DCDC1: variants seen among roughly 807,000 people sequenced by gnomAD.
DCDC1 encodes doublecortin domain containing 1.
DCDC1 carries 200 observed loss-of-function variants against 178.3 expected under a neutral mutation model. The observed-to-expected ratio is 1.12, with a 90% CI of 1.00 to 1.26. The LOEUF (loss-of-function observed/expected upper bound fraction) is 1.26, where lower values mean the gene tolerates loss of function less well. Among genes scored for constraint, DCDC1 ranks in the 50% most tolerant of loss-of-function variants. The probability of loss-of-function intolerance (pLI) is 0.00; values close to 1 mark genes in which losing one functional copy is unlikely to be tolerated. For synonymous variants in DCDC1, 690 were observed against 604.8 expected, an observed-to-expected ratio of 1.14 and a Z score of -2.07; for missense variants, 1,983 against 1,749.2, an observed-to-expected ratio of 1.13 and a Z score of -2.38.
intron 36 of DCDC1, among the ~76,000 whole-genome samples, chr11:30,889,413 T>C (rs925431771): frequency 7.2e-5 from 11 of 152,200 alleles, no homozygotes; most frequent in African/African-American, 2.4e-4. Flanking sequence ...GGTTTCATTA[T>C]AGAAGGTATA....
At chr11:31,021,844 G>T (rs1393924173) in intron 20 of DCDC1, among the ~76,000 whole-genome samples, 1 of 152,134 alleles carries the variant, frequency 6.6e-6, no homozygotes, top group East Asian at 1.9e-4. Flanking sequence ...CTAATTAGGT[G>T]TACAATAAGT....
intron 9 of DCDC1, among the ~76,000 whole-genome samples, chr11:31,239,143 C>A (rs181940142): frequency 6.6e-6 from 1 of 151,882 alleles, no homozygotes; most frequent in African/African-American, 2.4e-5. Context: ...TCTAATCATA[C>A]GATTTATAAA....
intron 20 of DCDC1, among the ~76,000 whole-genome samples, chr11:30,999,385 T>C (rs1449355262): frequency 6.6e-6 from 1 of 152,204 alleles, no homozygotes; most frequent in Non-Finnish European, 1.5e-5. Flanking sequence ...CTCTCTATAC[T>C]ACCTTTACAA....
chr11:30,993,439 A>T (rs1481903380), intron 20 of DCDC1, among the ~76,000 whole-genome samples: 1 of 152,082 alleles, frequency 6.6e-6, no homozygotes, highest in African/African-American at 2.4e-5. Context: ...GAAGCAAATT[A>T]AGCATCAAGC....
At chr11:30,956,285 C>A (rs1303877498) in intron 20 of DCDC1, among the ~76,000 whole-genome samples, 1 of 152,162 alleles carries the variant, frequency 6.6e-6, no homozygotes, top group South Asian at 2.1e-4. Flanking sequence ...ATTCTCCCAC[C>A]TTGGCCTCCC....
chr11:31,028,139 A>G (rs144959440), intron 20 of DCDC1, among the ~76,000 whole-genome samples: 1 of 152,070 alleles, frequency 6.6e-6, no homozygotes, highest in African/African-American at 2.4e-5. Flanking sequence ...CATATAATAA[A>G]GCTATTTTTT....
intron 1 of DCDC1, among the ~76,000 whole-genome samples, chr11:31,352,138 T>C (rs1200478532): frequency 6.6e-6 from 1 of 152,082 alleles, no homozygotes; most frequent in African/African-American, 2.4e-5. Flanking sequence ...ATTTAAAACT[T>C]TGTAAAGATC....
chr11:30,873,025 T>C (rs1306258601), intron 38 of DCDC1, among the ~76,000 whole-genome samples: 1 of 150,326 alleles, frequency 6.7e-6, no homozygotes, highest in Non-Finnish European at 1.5e-5. Flanking sequence ...TTTTCATGTA[T>C]ATATATATTC....
At chr11:30,965,885 A>C (rs1401095131) in intron 20 of DCDC1, among the ~76,000 whole-genome samples, 17 of 108,800 alleles carry the variant, frequency 1.6e-4, no homozygotes, top group Non-Finnish European at 5.5e-5. Context: ...GTTTACTGAG[A>C]ATGATGGTTT....
chr11:31,237,057 G>C (rs1976551601), intron 9 of DCDC1, among the ~76,000 whole-genome samples: 1 of 151,708 alleles, frequency 6.6e-6, no homozygotes, highest in African/African-American at 2.4e-5. Flanking sequence ...AATACTTTAT[G>C]CAATAAACAA....
At chr11:30,919,888 A>C (rs1206455374) in intron 25 of DCDC1, among the ~76,000 whole-genome samples, 1 of 152,242 alleles carries the variant, frequency 6.6e-6, no homozygotes, top group Non-Finnish European at 1.5e-5. Context: ...ATTAGAACCC[A>C]TGTGACAGAA....
chr11:31,228,784 T>C (rs954276491), intron 9 of DCDC1, among the ~76,000 whole-genome samples: 1 of 152,076 alleles, frequency 6.6e-6, no homozygotes, highest in African/African-American at 2.4e-5. Context: ...AATTTTCAAT[T>C]TAGGTTAAGT....
chr11:30,944,181 T>C (rs1947847482), intron 21 of DCDC1: 1 of 368,978 alleles, frequency 2.7e-6, no homozygotes, highest in African/African-American at 2.1e-5. Flanking sequence ...ACTTTTTCTG[T>C]GAGTTTCTTC....
intron 21 of DCDC1, among the ~76,000 whole-genome samples, chr11:30,951,987 G>A (rs1948453337): frequency 6.6e-6 from 1 of 152,104 alleles, no homozygotes; most frequent in African/African-American, 2.4e-5. Context: ...TGATTACTGG[G>A]AGCCCCTCTA....
intron 1 of DCDC1, among the ~76,000 whole-genome samples, chr11:31,363,012 A>T (rs1951788152): frequency 1.3e-5 from 2 of 152,116 alleles, no homozygotes; most frequent in South Asian, 4.1e-4. Flanking sequence ...TTAAAATCTG[A>T]TTTTTACTTT....
intron 7 of DCDC1, among the ~76,000 whole-genome samples, chr11:31,266,777 T>G (rs1160537929): frequency 6.6e-6 from 1 of 152,240 alleles, no homozygotes; most frequent in African/African-American, 2.4e-5. Flanking sequence ...TCATTAGCTT[T>G]GTGACAATGT....
chr11:31,019,360 G>C (rs143386141), intron 20 of DCDC1, among the ~76,000 whole-genome samples: 1 of 152,192 alleles, frequency 6.6e-6, no homozygotes, highest in African/African-American at 2.4e-5. Context: ...TGGAGATAAT[G>C]GTTCTTTGAC....
chr11:30,953,398 T>C (rs1055004085), intron 20 of DCDC1, among the ~76,000 whole-genome samples: 1 of 151,220 alleles, frequency 6.6e-6, no homozygotes, highest in Non-Finnish European at 1.5e-5. Flanking sequence ...TCAGTAGTTA[T>C]TTAGTAAGCA....
At chr11:31,350,287 A>T (rs1591830415) in intron 1 of DCDC1, among the ~76,000 whole-genome samples, 1 of 152,118 alleles carries the variant, frequency 6.6e-6, no homozygotes, top group Admixed American at 6.5e-5. Flanking sequence ...TTCAATTTTT[A>T]AAAATTATAT....
Sources: gnomAD v4.1 joint callset for allele counts (sites outside exome capture counted in the v4.1 genomes callset) on GRCh38, gnomAD v4.1.1 for gene constraint, MANE v1.5 for transcripts, NCBI Gene and HGNC (gene_info 2026-07-23, HGNC 2026-07-21) for gene names.